Variants in NAALADL2 observed in about 807,000 individuals in gnomAD.
NAALADL2 encodes the protein inactive N-acetylated-alpha-linked acidic dipeptidase-like protein 2.
NAALADL2 carries 76 observed loss-of-function variants against 87.2 expected under a neutral mutation model. That is an observed-to-expected ratio of 0.87 (90% CI 0.72 to 1.05). The LOEUF is 1.05. Ranked by LOEUF, NAALADL2 falls within the 50% of genes least tolerant of loss-of-function variation. The pLI, the probability that NAALADL2 is intolerant of heterozygous loss-of-function variation, is 0.00. For missense variants in NAALADL2, 1,089 were observed against 945.8 expected (o/e 1.15, Z -1.99); for synonymous variants, 354 against 331.0 (o/e 1.07, Z -0.75).
At chr3:175,442,008 C>T (rs569455722) in intron 5 of NAALADL2, among the ~76,000 whole-genome samples, 4 of 152,206 alleles carry the variant, frequency 2.6e-5, no homozygotes, top group Admixed American at 2.6e-4. Context: ...GTGGTGCAAT[C>T]TCAGCTCACT....
intron 2 of NAALADL2, among the ~76,000 whole-genome samples, chr3:175,232,226 A>G (rs1270056988): frequency 1.5e-5 from 1 of 64,602 alleles, no homozygotes; most frequent in Non-Finnish European, 3.5e-5. Flanking sequence ...GAAGAAGAAG[A>G]AGAGGAAGAG....
At chr3:174,557,546 G>A (rs73042603) in intron 2 of NAALADL2, among the ~76,000 whole-genome samples, 9,349 of 152,010 alleles carry the variant, frequency 0.062, 392 homozygotes, top group African/African-American at 0.12. Context: ...CCTTTAAGAG[G>A]TACAGCTGTA....
intron 11 of NAALADL2, among the ~76,000 whole-genome samples, chr3:175,679,397 G>T (rs1735287023): frequency 6.6e-6 from 1 of 152,014 alleles, no homozygotes; most frequent in Non-Finnish European, 1.5e-5. Context: ...AGTGATATTT[G>T]ATATATAGGC....
intron 10 of NAALADL2, among the ~76,000 whole-genome samples, chr3:175,605,492 G>C (rs1560837274): frequency 1.3e-5 from 2 of 151,868 alleles, no homozygotes; most frequent in African/African-American, 4.8e-5. Flanking sequence ...TAACTGAGTT[G>C]GTCAGAAAAA....
At chr3:175,376,332 T>C (rs1767123820) in intron 5 of NAALADL2, among the ~76,000 whole-genome samples, 1 of 152,154 alleles carries the variant, frequency 6.6e-6, no homozygotes, top group South Asian at 2.1e-4. Flanking sequence ...TTTATTTTAC[T>C]TCAATTTTTA....
At chr3:175,354,399 G>GATA (rs1764114342) in intron 5 of NAALADL2, among the ~76,000 whole-genome samples, 1 of 152,040 alleles carries the variant, frequency 6.6e-6, no homozygotes, top group Non-Finnish European at 1.5e-5. Context: ...ATAGCATGAA[G>GATA]ATAATATTTA....
In NAALADL2 at chr3:175,324,117, CTA is replaced by C. The variant is rs1000228549; in HGVS notation, c.940-54_940-53del. ...TCATAGCCACATTGGCAAAATGGCA[CTA>C]TATGAACTTTTAATGTGCATGATAA... On this transcript the variant is annotated intron_variant, in intron 4 of 13. Transcript: ENST00000454872. 4.9e-6 allele frequency: 7 copies of C among 1,422,702 alleles called. No homozygotes were observed. In the Admixed American group the frequency reaches 9.6e-5, roughly 20 times the overall value. 88.1% of individuals were successfully genotyped at this position (1,422,702 alleles called of 1,614,324 possible). A position where few individuals can be genotyped will look rare whatever the true frequency, so the allele number is the denominator to read the frequency against.
chr3:174,721,435 G>C (rs962058528), intron 2 of NAALADL2, among the ~76,000 whole-genome samples: 1 of 152,128 alleles, frequency 6.6e-6, no homozygotes, highest in Non-Finnish European at 1.5e-5. Context: ...TATTGCCAGT[G>C]AGGTGAAGAC....
At chr3:175,194,991 A>G (rs1310378738) in intron 2 of NAALADL2, among the ~76,000 whole-genome samples, 1 of 151,594 alleles carries the variant, frequency 6.6e-6, no homozygotes, top group Non-Finnish European at 1.5e-5. Context: ...TCCCTTAATT[A>G]TTGAGCTAAG....
intron 1 of NAALADL2, among the ~76,000 whole-genome samples, chr3:175,049,386 C>T (rs1018306609): frequency 1.3e-5 from 2 of 152,032 alleles, no homozygotes; most frequent in East Asian, 3.9e-4. Flanking sequence ...GTAACTGAAA[C>T]CAGGGAAAGT....
chr3:175,087,517 G>T (rs1719251791), intron 1 of NAALADL2, among the ~76,000 whole-genome samples: 1 of 152,240 alleles, frequency 6.6e-6, no homozygotes, highest in Non-Finnish European at 1.5e-5. Flanking sequence ...TACGGTGCCT[G>T]TGTAGAAAGA....
At chr3:175,278,058 G>A (rs7636386) in intron 4 of NAALADL2, among the ~76,000 whole-genome samples, 59,610 of 151,980 alleles carry the variant, frequency 0.39, 11,855 homozygotes, top group Non-Finnish European at 0.42. Flanking sequence ...CCTGGGAGGC[G>A]GAGCTTGCAG....
At chr3:175,333,906 T>C (rs1180879748) in intron 5 of NAALADL2, among the ~76,000 whole-genome samples, 2 of 152,330 alleles carry the variant, frequency 1.3e-5, no homozygotes, top group East Asian at 3.9e-4. Flanking sequence ...TGGATCATTA[T>C]ACATTCCATG....
chr3:174,765,143 C>CACAT (rs150906568), intron 3 of NAALADL2, among the ~76,000 whole-genome samples: 2,139 of 124,590 alleles, frequency 0.017, 30 homozygotes, highest in South Asian at 0.042. Context: ...CACACACACA[C>CACAT]GAGAGAGAGA....
chr3:175,111,322 A>G (rs1052164833), intron 2 of NAALADL2, among the ~76,000 whole-genome samples: 4 of 151,762 alleles, frequency 2.6e-5, no homozygotes, highest in Admixed American at 2.0e-4. Context: ...AAAGTTGCCC[A>G]GGACTTTCCA....
intron 13 of NAALADL2, among the ~76,000 whole-genome samples, chr3:175,765,464 A>G (rs1748567368): frequency 6.6e-6 from 1 of 152,096 alleles, no homozygotes; most frequent in African/African-American, 2.4e-5. Context: ...TTAACAGACA[A>G]CATTCAAATA....
intron 11 of NAALADL2, among the ~76,000 whole-genome samples, chr3:175,631,628 T>C (rs1193994592): frequency 6.6e-6 from 1 of 151,970 alleles, no homozygotes; most frequent in Admixed American, 6.6e-5. Context: ...CAATACATGC[T>C]GCATCAGTGT....
intron 11 of NAALADL2, among the ~76,000 whole-genome samples, chr3:175,660,505 GT>G (rs1230273102): frequency 6.6e-6 from 1 of 151,964 alleles, no homozygotes; most frequent in Non-Finnish European, 1.5e-5. Context: ...CTTTCTTTAT[GT>G]TTGGAACATT....
chr3:174,784,288 T>C (rs1007119841), intron 3 of NAALADL2, among the ~76,000 whole-genome samples: 1 of 152,202 alleles, frequency 6.6e-6, no homozygotes, highest in African/African-American at 2.4e-5. Context: ...TACATATGCA[T>C]ATGCAGCTTT....
Sources: allele counts gnomAD v4.1 joint callset (sites outside exome capture counted in the v4.1 genomes callset), GRCh38; gene constraint gnomAD v4.1.1; transcripts MANE v1.5; gene names NCBI Gene and HGNC (gene_info 2026-07-23, HGNC 2026-07-21).